The following TRDN variants were observed in gnomAD, a reference collection of about 807,000 sequenced individuals.
TRDN encodes the protein triadin.
TRDN carries 161 observed loss-of-function variants against 149.7 expected under a neutral mutation model. The observed-to-expected ratio is 1.08, with a 90% CI of 0.95 to 1.23. The LOEUF (loss-of-function observed/expected upper bound fraction) is 1.23. TRDN is among the 50% of genes most tolerant of loss of function. The pLI is 0.00. For missense variants in TRDN, 896 were observed against 823.5 expected, an observed-to-expected ratio of 1.09 and a Z score of -1.08; for synonymous variants, 294 against 250.5, an observed-to-expected ratio of 1.17 and a Z score of -1.64.
chr6:123,558,598 C>G (rs1423413096), intron 2 of TRDN, among the ~76,000 whole-genome samples: 1 of 152,142 alleles, frequency 6.6e-6, no homozygotes, highest in Admixed American at 6.6e-5. Flanking sequence ...CTTTACAGCC[C>G]TATACCCTAA....
chr6:123,221,462 A>G lies in TRDN; in HGVS notation c.2050+25T>C, dbSNP rs1775145438. The G allele has an allele frequency of 2.7e-6, 4 of 1,493,378 alleles. No homozygotes were observed. In the Admixed American group the frequency reaches 7.1e-5, roughly 27 times the overall value. The allele number at this position is 1,493,378 out of a possible 1,614,324, so 92.5% of individuals were successfully genotyped here. On this transcript the variant is annotated intron_variant, in intron 40 of 40. Transcript: ENST00000334268. Reference sequence around the variant, plus strand: ...CATCTTTAATACAGAATGATTTATTACTTTTAATCTCATTATAAACTTACT... The same window carrying G: ...CATCTTTAATACAGAATGATTTATTGCTTTTAATCTCATTATAAACTTACT...
intron 7 of TRDN, 129 bp downstream of exon 7, chr6:123,512,174 A>T: frequency 1.9e-6 from 1 of 530,620 alleles, no homozygotes; most frequent in Admixed American, 3.3e-5. Context: ...TAAATTTTAA[A>T]GGTAAGACCA....
intron 23 of TRDN, among the ~76,000 whole-genome samples, chr6:123,326,122 T>G (rs901237814): frequency 6.6e-6 from 1 of 152,094 alleles, no homozygotes; most frequent in Non-Finnish European, 1.5e-5. Context: ...AGACTTAACT[T>G]TATCCTCTCC....
At chr6:123,278,181 T>C (rs1009912343) in intron 26 of TRDN, 137 bp downstream of exon 26, 4 of 556,600 alleles carry the variant, frequency 7.2e-6, no homozygotes, top group Non-Finnish European at 1.1e-5. Flanking sequence ...ATATATATTT[T>C]GTTAGTTTTT....
chr6:123,575,289 CT>C (rs1400161837), intron 1 of TRDN, among the ~76,000 whole-genome samples: 1 of 151,878 alleles, frequency 6.6e-6, no homozygotes, highest in South Asian at 2.1e-4. Context: ...TAAGTTGTAC[CT>C]TTCAATTTCC....
At chr6:123,282,580 G>A (rs1441621383) in intron 24 of TRDN, among the ~76,000 whole-genome samples, 1 of 151,744 alleles carries the variant, frequency 6.6e-6, no homozygotes, top group Non-Finnish European at 1.5e-5. Flanking sequence ...AATCTAGAGT[G>A]CGCTAAAGCC....
intron 1 of TRDN, among the ~76,000 whole-genome samples, chr6:123,603,220 C>T (rs1358575985): frequency 5.5e-5 from 3 of 54,388 alleles, no homozygotes; most frequent in Non-Finnish European, 1.5e-4. Flanking sequence ...AATGAACAGG[C>T]TGATTTAGTC....
At chr6:123,252,934 C>A (rs1582779631) in intron 37 of TRDN, among the ~76,000 whole-genome samples, 1 of 151,994 alleles carries the variant, frequency 6.6e-6, no homozygotes. Context: ...AGTTTTGGCT[C>A]AACTATTATT....
intron 38 of TRDN, among the ~76,000 whole-genome samples, chr6:123,243,430 A>G (rs545648147): frequency 1.3e-5 from 2 of 152,208 alleles, no homozygotes; most frequent in East Asian, 1.9e-4. Context: ...ATAGATCCCA[A>G]TGGAAAAGAA....
chr6:123,622,879 A>G (rs1478572078), intron 1 of TRDN, among the ~76,000 whole-genome samples: 1 of 152,164 alleles, frequency 6.6e-6, no homozygotes, highest in Non-Finnish European at 1.5e-5. Context: ...TCACTATGAC[A>G]AAATATTGGG....
chr6:123,232,676 T>C (rs1012947062), intron 38 of TRDN, among the ~76,000 whole-genome samples: 1 of 151,974 alleles, frequency 6.6e-6, no homozygotes, highest in Non-Finnish European at 1.5e-5. Flanking sequence ...GGAGAAGCAA[T>C]GCTTCTTGAT....
intron 19 of TRDN, among the ~76,000 whole-genome samples, chr6:123,372,211 C>T (rs79899952): frequency 2.0e-5 from 3 of 152,082 alleles, no homozygotes; most frequent in South Asian, 2.1e-4. Context: ...GCAGTTGTCT[C>T]CAAATATTCT....
chr6:123,568,695 G>A (rs1429763971), intron 2 of TRDN, among the ~76,000 whole-genome samples: 1 of 152,176 alleles, frequency 6.6e-6, no homozygotes, highest in Non-Finnish European at 1.5e-5. Context: ...TGGACCCAGA[G>A]CAGCCAAAAT....
chr6:123,499,334 T>C (rs1778579701), intron 8 of TRDN, among the ~76,000 whole-genome samples: 1 of 152,130 alleles, frequency 6.6e-6, no homozygotes, highest in Admixed American at 6.6e-5. Flanking sequence ...TTTAGCTGAA[T>C]GCTGACAATG....
chr6:123,326,195 A>G (rs1001009585), intron 23 of TRDN, among the ~76,000 whole-genome samples: 124 of 152,234 alleles, frequency 8.1e-4, no homozygotes, highest in African/African-American at 2.8e-3. Context: ...ATGGCATGCC[A>G]ACATCTTCAA....
At chr6:123,277,442 A>G (rs1375552784) in intron 26 of TRDN, among the ~76,000 whole-genome samples, 2 of 152,138 alleles carry the variant, frequency 1.3e-5, no homozygotes, top group East Asian at 3.9e-4. Context: ...CCAGTACCTT[A>G]AAATAGGAAC....
intron 9 of TRDN, chr6:123,470,038 A>G (rs1777063821): frequency 6.6e-6 from 1 of 152,174 alleles, no homozygotes; most frequent in Non-Finnish European, 1.5e-5. Flanking sequence ...TTATGATGCT[A>G]AGCCTTTTGT....
intron 1 of TRDN, among the ~76,000 whole-genome samples, chr6:123,574,989 C>CGT: frequency 6.7e-6 from 1 of 149,558 alleles, no homozygotes; most frequent in African/African-American, 2.5e-5. Context: ...GTTTTCTAAA[C>CGT]AACTGACATA....
chr6:123,485,628 T>C (rs1005123324), intron 9 of TRDN, among the ~76,000 whole-genome samples: 3 of 152,130 alleles, frequency 2.0e-5, no homozygotes, highest in Non-Finnish European at 4.4e-5. Context: ...CTGCTATATA[T>C]GGGAACCACC....
Sources: allele counts gnomAD v4.1 joint callset (sites outside exome capture counted in the v4.1 genomes callset), GRCh38; gene constraint gnomAD v4.1.1; transcripts MANE v1.5; gene names NCBI Gene and HGNC (gene_info 2026-07-23, HGNC 2026-07-21).